LRP1B: variants seen among roughly 807,000 people sequenced by gnomAD.
The protein encoded by LRP1B is low-density lipoprotein receptor-related protein 1B.
In LRP1B, 217 loss-of-function variants were observed where a neutral mutation model predicts 556.6. The ratio of observed to expected loss-of-function variants is 0.39; its 90% CI spans 0.35 to 0.44. The LOEUF (loss-of-function observed/expected upper bound fraction) is 0.44, where lower values mean the gene tolerates loss of function less well. LRP1B is among the 20% of genes least tolerant of loss of function. The pLI is 1.00. For missense variants in LRP1B, 5,053 were observed against 5,620.8 expected (o/e 0.90, Z 3.23); for synonymous variants, 2,047 against 1,865.8 (o/e 1.10, Z -2.50).
chr2:140,523,597 A>G (rs967342582), intron 49 of LRP1B, among the ~76,000 whole-genome samples: 1 of 151,774 alleles, frequency 6.6e-6, no homozygotes, highest in Non-Finnish European at 1.5e-5. Context: ...AAACCAAACT[A>G]TTTCTCTTCA....
chr2:142,061,753 G>A (rs151161406), intron 1 of LRP1B, among the ~76,000 whole-genome samples: 1 of 151,984 alleles, frequency 6.6e-6, no homozygotes, highest in African/African-American at 2.4e-5. Flanking sequence ...TGCATTTAAT[G>A]GTAGACTTCA....
chr2:141,809,175 G>T lies in LRP1B; in HGVS notation c.205+1104C>A, dbSNP rs112709384. 2.2e-3 allele frequency among the ~76,000 whole-genome samples: 335 copies of T among 152,120 alleles called. 2 individuals are homozygous for T. The highest frequency in any genetic ancestry group is 3.6e-3 in the Non-Finnish European group (248 of 67,978). ...AAAAGTGATCGGCTCAAAATAAAGC[G>T]AAGCAATTCCTGCAAATATTCAGGT... is the stretch of plus-strand genomic sequence containing the variant. On this transcript the variant is annotated intron_variant, in intron 2 of 90. Coordinates refer to ENST00000389484, the MANE Select transcript of LRP1B (RefSeq NM_018557.3).
chr2:140,317,393 A>C (rs1439207920), intron 82 of LRP1B, among the ~76,000 whole-genome samples: 12 of 152,134 alleles, frequency 7.9e-5, no homozygotes, highest in African/African-American at 2.4e-4. Flanking sequence ...CAGAGGTAAA[A>C]ATCACAGCAG....
At chr2:140,917,542 A>T (rs1694615153) in intron 21 of LRP1B, among the ~76,000 whole-genome samples, 1 of 152,162 alleles carries the variant, frequency 6.6e-6, no homozygotes, top group Non-Finnish European at 1.5e-5. Context: ...GTGAAAAGGC[A>T]TGAAGGAAAC....
intron 4 of LRP1B, 126 bp from the exon 5 acceptor site, chr2:141,247,480 CT>C: frequency 9.7e-7 from 1 of 1,032,276 alleles, no homozygotes; most frequent in East Asian, 2.5e-5. Flanking sequence ...TCCAATAAGT[CT>C]TTTCAAAACC....
intron 1 of LRP1B, among the ~76,000 whole-genome samples, chr2:141,916,054 A>T (rs1041228225): frequency 6.6e-6 from 1 of 152,210 alleles, no homozygotes; most frequent in African/African-American, 2.4e-5. Context: ...ATACCATTTG[A>T]TCCAGCAAAC....
intron 86 of LRP1B, among the ~76,000 whole-genome samples, chr2:140,253,727 T>A (rs1681554252): frequency 6.6e-6 from 1 of 152,138 alleles, no homozygotes; most frequent in Non-Finnish European, 1.5e-5. Flanking sequence ...GAGAAGACAA[T>A]TTCTATTTAA....
At position 141,207,801 on chromosome 2, in the gene LRP1B, G is replaced by A. The variant is rs188586690; in HGVS notation, c.851-19218C>T. Among the ~76,000 whole-genome samples the A allele has an allele frequency of 2.4e-3, 371 of 152,078 alleles. 1 individual carries two copies. The highest frequency in any genetic ancestry group is 0.024 in the Middle Eastern group (7 of 294). ...AGCAATTCTCCTGCCTCAGCCTCCC[G>A]AGTAGCTGGGATTACAGGCACCCGC... On this transcript the variant is annotated intron_variant, in intron 6 of 90. Coordinates refer to ENST00000389484, the MANE Select transcript of LRP1B (RefSeq NM_018557.3).
intron 2 of LRP1B, among the ~76,000 whole-genome samples, chr2:141,566,861 T>C (rs1464307064): frequency 1.3e-5 from 2 of 151,878 alleles, no homozygotes; most frequent in Non-Finnish European, 2.9e-5. Context: ...TCCCATCTCT[T>C]AAAAAAAATT....
intron 18 of LRP1B, among the ~76,000 whole-genome samples, chr2:140,965,005 G>T (rs2105320362): frequency 6.6e-6 from 1 of 152,280 alleles, no homozygotes; most frequent in Non-Finnish European, 1.5e-5. Context: ...ATAATAGAGA[G>T]ATATTGAAAG....
At chr2:141,616,934 C>T (rs1223859600) in intron 2 of LRP1B, among the ~76,000 whole-genome samples, 8 of 152,194 alleles carry the variant, frequency 5.3e-5, no homozygotes, top group Admixed American at 5.2e-4. Flanking sequence ...ACCTACAAAT[C>T]ATCATTCAAA....
intron 7 of LRP1B, among the ~76,000 whole-genome samples, chr2:141,131,310 C>T (rs572571436): frequency 6.6e-6 from 1 of 150,438 alleles, no homozygotes; most frequent in African/African-American, 2.4e-5. Flanking sequence ...ACGGACTGAT[C>T]TTTAAGATAC....
Position 141,944,428 on chromosome 2 carries a change from A to G in LRP1B, c.83-134027T>C, listed in dbSNP as rs1175521791. Among the ~76,000 whole-genome samples the G allele has an allele frequency of 2.0e-5, 3 of 152,316 alleles. No homozygotes were observed. In the East Asian group the frequency reaches 5.8e-4, roughly 29 times the overall value. The stretch of plus-strand genomic sequence containing the variant: ...AAAAAGGCATAGCTTAATAAAGTGG[A>G]TACCTATTGCAGTTAGTGTGTGGAC... On this transcript the variant is annotated intron_variant, in intron 1 of 90. Coordinates refer to ENST00000389484, the MANE Select transcript of LRP1B (RefSeq NM_018557.3).
intron 59 of LRP1B, among the ~76,000 whole-genome samples, chr2:140,484,979 T>C (rs1210150046): frequency 1.3e-5 from 2 of 152,176 alleles, no homozygotes; most frequent in Non-Finnish European, 2.9e-5. Context: ...TATTTGTGAC[T>C]ACCCCAACCA....
intron 1 of LRP1B, among the ~76,000 whole-genome samples, chr2:141,931,410 C>A (rs920548966): frequency 1.3e-5 from 2 of 151,872 alleles, no homozygotes; most frequent in African/African-American, 4.8e-5. Flanking sequence ...ACCAGTCCAA[C>A]TGGTAGGGAG....
intron 31 of LRP1B, among the ~76,000 whole-genome samples, chr2:140,827,048 A>T (rs1691533414): frequency 6.6e-6 from 1 of 152,128 alleles, no homozygotes; most frequent in Non-Finnish European, 1.5e-5. Context: ...GTGAGAGCCA[A>T]GGTAAATTTG....
chr2:141,344,608 A>G (rs2105523899), intron 3 of LRP1B, among the ~76,000 whole-genome samples: 1 of 152,152 alleles, frequency 6.6e-6, no homozygotes, highest in South Asian at 2.1e-4. Flanking sequence ...TCTTCTCAGC[A>G]CGTATTCTCA....
chr2:140,587,709 G>T lies in LRP1B; in HGVS notation c.7194+10922C>A, dbSNP rs1441210184. 5.9e-5 allele frequency among the ~76,000 whole-genome samples: 9 copies of T among 152,180 alleles called. 1 individual carries two copies. In the South Asian group the frequency reaches 1.5e-3, roughly 25 times the overall value. ...TGATTAACATGTTAATTAGCCTGAAGAATCATTCCACAATACATACATATA... is the reference window on the plus strand; with the variant it reads ...TGATTAACATGTTAATTAGCCTGAATAATCATTCCACAATACATACATATA... On this transcript the variant is annotated intron_variant, in intron 43 of 90. Coordinates refer to ENST00000389484, the MANE Select transcript of LRP1B (RefSeq NM_018557.3).
intron 2 of LRP1B, among the ~76,000 whole-genome samples, chr2:141,674,767 C>T (rs987581263): frequency 1.3e-5 from 2 of 151,958 alleles, no homozygotes; most frequent in Non-Finnish European, 2.9e-5. Context: ...CCAGATATTT[C>T]TGAAACCAAA....
Sources: allele counts gnomAD v4.1 joint callset (sites outside exome capture counted in the v4.1 genomes callset), GRCh38; gene constraint gnomAD v4.1.1; transcripts MANE v1.5; gene names NCBI Gene and HGNC (gene_info 2026-07-23, HGNC 2026-07-21).